The following TENM2 variants were observed in gnomAD, a reference collection of about 807,000 sequenced individuals.
TENM2 encodes the protein teneurin-2.
A neutral mutation model predicts 245.2 loss-of-function variants in TENM2; 52 were observed. That is an observed-to-expected ratio of 0.21 (90% CI 0.17 to 0.27). The LOEUF (loss-of-function observed/expected upper bound fraction) is 0.27, where lower values mean the gene tolerates loss of function less well. Among genes scored for constraint, TENM2 ranks in the 10% least tolerant of loss-of-function variants. The pLI, the probability that TENM2 is intolerant of heterozygous loss-of-function variation, is 1.00. For synonymous variants in TENM2, 1,363 were observed against 1,438.9 expected (o/e 0.95, Z 1.19); for missense variants, 3,046 against 3,666.8 (o/e 0.83, Z 4.37).
At chr5:168,035,318 G>A (rs1369953624) in intron 5 of TENM2, among the ~76,000 whole-genome samples, 1 of 152,060 alleles carries the variant, frequency 6.6e-6, no homozygotes, top group Non-Finnish European at 1.5e-5. Flanking sequence ...CCAACATGGC[G>A]AAACCCTGTC....
At chr5:167,533,999 T>A (rs886584440) in intron 2 of TENM2, among the ~76,000 whole-genome samples, 1 of 152,094 alleles carries the variant, frequency 6.6e-6, no homozygotes, top group Non-Finnish European at 1.5e-5. Flanking sequence ...AAGCTTGAGG[T>A]TTAGGCCTTG....
intron 2 of TENM2, among the ~76,000 whole-genome samples, chr5:167,455,709 T>A (rs939842533): frequency 6.6e-6 from 1 of 152,186 alleles, no homozygotes; most frequent in Non-Finnish European, 1.5e-5. Context: ...GCCTCCCCAA[T>A]TCTCCTTGGG....
intron 2 of TENM2, among the ~76,000 whole-genome samples, chr5:167,748,812 C>T (rs538449498): frequency 8.5e-5 from 13 of 152,082 alleles, no homozygotes; most frequent in Non-Finnish European, 1.0e-4. Flanking sequence ...ATGAGAACAG[C>T]GCGGCGGAAA....
chr5:167,734,163 C>G (rs1338130416), intron 2 of TENM2, among the ~76,000 whole-genome samples: 1 of 152,056 alleles, frequency 6.6e-6, no homozygotes, highest in Non-Finnish European at 1.5e-5. Context: ...GCAGATGGAG[C>G]AAGGGTTTGA....
chr5:168,217,503 G>A (rs1012176076), intron 22 of TENM2, among the ~76,000 whole-genome samples: 3 of 152,170 alleles, frequency 2.0e-5, no homozygotes, highest in Non-Finnish European at 4.4e-5. Context: ...AACCCTTGGC[G>A]AGCCTCATAA....
chr5:168,039,517 T>G (rs942705152), intron 5 of TENM2, among the ~76,000 whole-genome samples: 1 of 152,086 alleles, frequency 6.6e-6, no homozygotes, highest in Non-Finnish European at 1.5e-5. Context: ...ATCACATGGG[T>G]CCTTTCTTGG....
At chr5:167,823,975 G>A (rs886594220) in intron 2 of TENM2, among the ~76,000 whole-genome samples, 1 of 152,130 alleles carries the variant, frequency 6.6e-6, no homozygotes, top group Non-Finnish European at 1.5e-5. Flanking sequence ...TCCAAAGGCT[G>A]AAATTCAGAA....
intron 9 of TENM2, among the ~76,000 whole-genome samples, chr5:168,111,973 C>T (rs987377626): frequency 2.0e-5 from 3 of 152,050 alleles, no homozygotes; most frequent in African/African-American, 7.2e-5. Context: ...AGATATCAAA[C>T]GTTATGCTGT....
the TENM2 span, among the ~76,000 whole-genome samples, chr5:167,112,295 C>A: frequency 6.6e-6 from 1 of 152,190 alleles, no homozygotes; most frequent in Non-Finnish European, 1.5e-5. Flanking sequence ...GAAATGGATT[C>A]TTCCCATTGA....
At chr5:167,143,928 G>A in the TENM2 span, among the ~76,000 whole-genome samples, 3 of 151,918 alleles carry the variant, frequency 2.0e-5, no homozygotes. Context: ...GCAAACTGGC[G>A]TTATTTTTAA....
chr5:167,316,729 G>A (rs1381344718), intron 1 of TENM2, among the ~76,000 whole-genome samples: 1 of 152,062 alleles, frequency 6.6e-6, no homozygotes, highest in Non-Finnish European at 1.5e-5. Context: ...AGATAATGTC[G>A]ACCAATATTT....
chr5:168,190,535 C>T, exon 14 of TENM2: 1 of 1,613,774 alleles, frequency 6.2e-7, no homozygotes, highest in South Asian at 1.1e-5. Context: ...GGAGAGAACC[C>T]TTTCAACAGC....
chr5:167,282,443 A>T (rs1250390632), upstream of TENM2, among the ~76,000 whole-genome samples: 1 of 152,224 alleles, frequency 6.6e-6, no homozygotes, highest in Non-Finnish European at 1.5e-5. Context: ...CTAAGAAAAA[A>T]ACATTTTTAA....
chr5:168,161,599 T>G (rs1757745237), intron 12 of TENM2, among the ~76,000 whole-genome samples: 1 of 152,170 alleles, frequency 6.6e-6, no homozygotes, highest in Admixed American at 6.5e-5. Context: ...CTAGTAGTTC[T>G]CTGCTTCTCT....
intron 12 of TENM2, among the ~76,000 whole-genome samples, chr5:168,139,785 A>G (rs1755373509): frequency 6.6e-6 from 1 of 152,214 alleles, no homozygotes; most frequent in South Asian, 2.1e-4. Context: ...TGTCCCACCT[A>G]TGGAGGGCAG....
At chr5:167,335,729 C>T (rs2127800115) in intron 1 of TENM2, among the ~76,000 whole-genome samples, 1 of 152,194 alleles carries the variant, frequency 6.6e-6, no homozygotes, top group African/African-American at 2.4e-5. Flanking sequence ...TTTCAAAATC[C>T]ATCCCAGCTA....
At chr5:167,465,946 A>T (rs1474250386) in intron 2 of TENM2, among the ~76,000 whole-genome samples, 1 of 152,182 alleles carries the variant, frequency 6.6e-6, no homozygotes, top group Non-Finnish European at 1.5e-5. Flanking sequence ...ATGAATGTCC[A>T]GGGCACATGA....
intron 2 of TENM2, among the ~76,000 whole-genome samples, chr5:167,732,629 G>A (rs1760515456): frequency 2.0e-5 from 3 of 152,106 alleles, no homozygotes; most frequent in African/African-American, 7.2e-5. Flanking sequence ...AGAAGTGTTG[G>A]GAGGACAAGA....
chr5:167,547,230 C>T (rs1772619839), intron 2 of TENM2, among the ~76,000 whole-genome samples: 1 of 152,156 alleles, frequency 6.6e-6, no homozygotes, highest in Non-Finnish European at 1.5e-5. Flanking sequence ...GGATTACAGG[C>T]ACGTGCCACC....
Sources: gnomAD v4.1 joint callset for allele counts (sites outside exome capture counted in the v4.1 genomes callset) on GRCh38, gnomAD v4.1.1 for gene constraint, MANE v1.5 for transcripts, NCBI Gene and HGNC (gene_info 2026-07-23, HGNC 2026-07-21) for gene names.